CSMD1: variants seen among roughly 807,000 people sequenced by gnomAD.
CSMD1 encodes CUB and Sushi multiple domains 1.
Under a neutral mutation model 417.5 loss-of-function variants are expected in CSMD1, and 213 were observed. The ratio of observed to expected loss-of-function variants is 0.51; its 90% CI spans 0.46 to 0.57. The LOEUF (loss-of-function observed/expected upper bound fraction) is 0.57, where lower values mean the gene tolerates loss of function less well. Ranked by LOEUF, CSMD1 falls within the 20% of genes least tolerant of loss-of-function variation. The pLI, the probability that CSMD1 is intolerant of heterozygous loss-of-function variation, is 0.00. For missense variants in CSMD1, 6,923 were observed against 4,529.7 expected (o/e 1.53, Z -15.17); for synonymous variants, 2,862 against 1,736.8 (o/e 1.65, Z -16.11).
chr8:3,529,386 T>C (rs1363154306), intron 10 of CSMD1, among the ~76,000 whole-genome samples: 3 of 152,178 alleles, frequency 2.0e-5, no homozygotes, highest in Non-Finnish European at 2.9e-5. Flanking sequence ...CTTAAAATAA[T>C]TGACTATATT....
At chr8:4,236,526 C>G (rs920954513) in intron 3 of CSMD1, among the ~76,000 whole-genome samples, 1 of 152,028 alleles carries the variant, frequency 6.6e-6, no homozygotes, top group Non-Finnish European at 1.5e-5. Flanking sequence ...AAAAAGTTAG[C>G]GAGATTTCAT....
intron 2 of CSMD1, among the ~76,000 whole-genome samples, chr8:4,491,154 G>A (rs145503032): frequency 6.6e-6 from 1 of 151,998 alleles, no homozygotes; most frequent in South Asian, 2.1e-4. Context: ...CCAAGACACA[G>A]GTTTACCTAT....
intron 1 of CSMD1, among the ~76,000 whole-genome samples, chr8:4,736,038 T>C (rs1355904513): frequency 4.6e-5 from 7 of 152,224 alleles, no homozygotes; most frequent in East Asian, 1.9e-4. Flanking sequence ...CAGGCTATTA[T>C]GGACATTTGT....
At chr8:3,612,582 T>G (rs900494382) in intron 8 of CSMD1, among the ~76,000 whole-genome samples, 17 of 152,168 alleles carry the variant, frequency 1.1e-4, no homozygotes, top group African/African-American at 3.9e-4. Context: ...AAACATTTTT[T>G]AAAGTTCAGA....
At chr8:3,067,211 G>A (rs1812994984) in intron 49 of CSMD1, among the ~76,000 whole-genome samples, 1 of 152,148 alleles carries the variant, frequency 6.6e-6, no homozygotes, top group African/African-American at 2.4e-5. Context: ...CCCCATGCGT[G>A]AGACAGGAGA....
In CSMD1 at chr8:4,510,298, A is replaced by G. The variant is rs969544275; in HGVS notation, c.303-90233T>C. 3.3e-5 allele frequency among the ~76,000 whole-genome samples: 5 copies of G among 149,912 alleles called. No homozygotes were observed. The East Asian group carries it at 1.0e-3, about 30-fold the overall frequency. ...GGTATGTCTTTATCAGCAGCATGAG[A>G]ACAGACTGTTACACACTACAACTAA... On this transcript the variant is annotated intron_variant, in intron 2 of 69. Coordinates refer to ENST00000635120, the MANE Select transcript of CSMD1 (RefSeq NM_033225.6).
chr8:3,339,518 G>A (rs1179296613), intron 23 of CSMD1, among the ~76,000 whole-genome samples: 1 of 152,062 alleles, frequency 6.6e-6, no homozygotes, highest in Admixed American at 6.6e-5. Flanking sequence ...AGGGCCAATG[G>A]GACTTTAACA....
intron 3 of CSMD1, among the ~76,000 whole-genome samples, chr8:4,262,972 A>T (rs570959190): frequency 6.6e-6 from 1 of 152,324 alleles, no homozygotes; most frequent in African/African-American, 2.4e-5. Flanking sequence ...TCCAAGTAGA[A>T]TCACATTTTA....
chr8:3,921,232 T>C (rs1418730311), intron 5 of CSMD1, among the ~76,000 whole-genome samples: 1 of 152,270 alleles, frequency 6.6e-6, no homozygotes, highest in African/African-American at 2.4e-5. Flanking sequence ...TACAGTATTG[T>C]ATTTATATTT....
At chr8:4,397,254 T>A (rs971356589) in intron 3 of CSMD1, among the ~76,000 whole-genome samples, 2 of 152,140 alleles carry the variant, frequency 1.3e-5, no homozygotes, top group African/African-American at 4.8e-5. Context: ...GAGCATGCGT[T>A]TTTTCATAAA....
intron 4 of CSMD1, among the ~76,000 whole-genome samples, chr8:4,009,036 T>G (rs1373894243): frequency 2.0e-5 from 3 of 152,196 alleles, no homozygotes; most frequent in Non-Finnish European, 4.4e-5. Context: ...TAATTATTTT[T>G]AAAAATATTT....
At chr8:4,145,228 T>G (rs1344326513) in intron 3 of CSMD1, among the ~76,000 whole-genome samples, 1 of 150,916 alleles carries the variant, frequency 6.6e-6, no homozygotes, top group Non-Finnish European at 1.5e-5. Flanking sequence ...CTTTTCCAAA[T>G]AGGACATTCA....
At chr8:4,094,335 G>C (rs918915) in intron 3 of CSMD1, among the ~76,000 whole-genome samples, 62,683 of 151,870 alleles carry the variant, frequency 0.41, 13,319 homozygotes, top group African/African-American at 0.51. Flanking sequence ...CAGGCCAGAG[G>C]TGGCTGTGAG....
At chr8:4,101,519 C>T (rs1257648578) in intron 3 of CSMD1, among the ~76,000 whole-genome samples, 3 of 152,076 alleles carry the variant, frequency 2.0e-5, no homozygotes, top group Admixed American at 6.6e-5. Context: ...CCAAATATGC[C>T]GACCAGGAAA....
chr8:3,969,085 T>C (rs936535479), intron 5 of CSMD1, among the ~76,000 whole-genome samples: 3 of 152,124 alleles, frequency 2.0e-5, no homozygotes, highest in Admixed American at 1.3e-4. Context: ...AGCACATCTC[T>C]ACTAAAAATA....
intron 5 of CSMD1, among the ~76,000 whole-genome samples, chr8:3,991,221 G>C (rs932058554): frequency 1.4e-4 from 22 of 152,322 alleles, no homozygotes; most frequent in Admixed American, 4.6e-4. Context: ...GTGAAAGAAA[G>C]CCACCAATCA....
intron 1 of CSMD1, among the ~76,000 whole-genome samples, chr8:4,786,610 G>T (rs1305922598): frequency 6.6e-6 from 1 of 152,210 alleles, no homozygotes; most frequent in Non-Finnish European, 1.5e-5. Flanking sequence ...ACATTCGTAA[G>T]ATGATGCTTG....
chr8:3,502,445 C>T (rs1196295731), intron 10 of CSMD1, among the ~76,000 whole-genome samples: 1 of 151,736 alleles, frequency 6.6e-6, no homozygotes, highest in Non-Finnish European at 1.5e-5. Context: ...TCATAATCGC[C>T]AAAATTAGGA....
intron 41 of CSMD1, among the ~76,000 whole-genome samples, chr8:3,136,411 C>T (rs904881444): frequency 2.0e-5 from 3 of 152,070 alleles, no homozygotes; most frequent in Non-Finnish European, 4.4e-5. Flanking sequence ...ATCACAGGCG[C>T]TCCCCACCAT....
Sources: gnomAD v4.1 joint callset for allele counts (sites outside exome capture counted in the v4.1 genomes callset) on GRCh38, gnomAD v4.1.1 for gene constraint, MANE v1.5 for transcripts, NCBI Gene and HGNC (gene_info 2026-07-23, HGNC 2026-07-21) for gene names.